The following ELAC1 variants were observed in gnomAD, a reference collection of about 807,000 sequenced individuals.
ELAC1 encodes the protein elaC ribonuclease Z 1.
ELAC1 carries 19 observed loss-of-function variants against 25.8 expected under a neutral mutation model. That is an observed-to-expected ratio of 0.74 (90% CI 0.51 to 1.08). ELAC1 has a LOEUF of 1.08. ELAC1 is among the 50% of genes least tolerant of loss of function. The pLI, the probability that ELAC1 is intolerant of heterozygous loss-of-function variation, is 0.00. For missense variants in ELAC1, 403 were observed against 434.6 expected (o/e 0.93, Z 0.65); for synonymous variants, 148 against 160.9 (o/e 0.92, Z 0.61).
chr18:50,982,162 T>C (rs749349341), intron 2 of ELAC1, among the ~76,000 whole-genome samples: 13 of 152,144 alleles, frequency 8.5e-5, no homozygotes, highest in Non-Finnish European at 7.4e-5. Flanking sequence ...CTGTAGTTTT[T>C]TTGTCTGCAG....
At chr18:50,968,569 G>T (rs1434791719) in intron 1 of ELAC1, 3 of 152,294 alleles carry the variant, frequency 2.0e-5, no homozygotes, top group African/African-American at 7.2e-5. Context: ...GCCTCCAAAT[G>T]CTGATGCCCC....
chr18:50,981,734 G>A (rs1907953920), intron 2 of ELAC1, among the ~76,000 whole-genome samples: 1 of 151,936 alleles, frequency 6.6e-6, no homozygotes, highest in Non-Finnish European at 1.5e-5. Flanking sequence ...AGGTTGTTTT[G>A]GTGTTCAGTT....
chr18:50,983,098 CCTAT>C (rs1242932890), intron 2 of ELAC1, among the ~76,000 whole-genome samples: 2 of 149,148 alleles, frequency 1.3e-5, no homozygotes, highest in African/African-American at 5.0e-5. Context: ...ATACTTGAGG[CCTAT>C]CTATTTAATA....
chr18:50,969,111 A>G (rs4939648), intron 1 of ELAC1: 51,441 of 152,056 alleles, frequency 0.34, 9,112 homozygotes, highest in East Asian at 0.42. Flanking sequence ...TTTACCCTCT[A>G]CTATCCAGTC....
At chr18:50,983,743 A>G (rs1041114360) in intron 2 of ELAC1, among the ~76,000 whole-genome samples, 1 of 151,130 alleles carries the variant, frequency 6.6e-6, no homozygotes, top group Non-Finnish European at 1.5e-5. Flanking sequence ...AGTCCTAGCT[A>G]CTTGGGAGGC....
intron 1 of ELAC1, among the ~76,000 whole-genome samples, chr18:50,973,547 A>G (rs1335437572): frequency 1.3e-5 from 2 of 152,240 alleles, no homozygotes; most frequent in Non-Finnish European, 2.9e-5. Context: ...CAGCATGACT[A>G]TAGAGCATAA....
chr18:50,969,492 A>T (rs748051433), intron 1 of ELAC1: 1 of 152,222 alleles, frequency 6.6e-6, no homozygotes, highest in Non-Finnish European at 1.5e-5. Context: ...CCTTTTATGT[A>T]CAAGTAGCAC....
Position 50,987,061 on chromosome 18 carries a change from G to GTT in ELAC1, c.1068_1069insTT (p.Ile357LeufsTer2), listed in dbSNP as rs1224771780. 1 of 1,551,128 alleles carries GTT rather than the reference G, an allele frequency of 6.4e-7. No homozygotes were observed. Among genetic ancestry groups the GTT allele is most frequent in the Non-Finnish European group, 8.7e-7 (1 of 1,148,818 alleles). On this transcript the variant is annotated frameshift_variant, in exon 4 of 4. Coordinates refer to ENST00000269466, the MANE Select transcript of ELAC1 (RefSeq NM_018696.3). LOFTEE classifies it high-confidence loss of function. ...TGACTCTAGCAGAAGATTTTATGGT[G>GTT]ATAAGCATTCCAATCAAGAAATGAA...
chr18:50,980,763 GA>G (rs761954317), intron 2 of ELAC1, among the ~76,000 whole-genome samples: 352 of 67,868 alleles, frequency 5.2e-3, no homozygotes, highest in Middle Eastern at 0.012. Flanking sequence ...ACTCCATCTC[GA>G]AAAAAAAAAA....
At chr18:50,986,296 G>A (rs1006628624) in intron 3 of ELAC1, among the ~76,000 whole-genome samples, 2 of 152,082 alleles carry the variant, frequency 1.3e-5, no homozygotes, top group African/African-American at 4.8e-5. Context: ...ATTAAATAAA[G>A]CACTCTCAAA....
rs766744036 is a variant in ELAC1 at position 50,984,553 on chromosome 18, T to TA, written c.618dup (p.Asp207ArgfsTer47). The TA allele has an allele frequency of 6.2e-7, 1 of 1,610,754 alleles. No individual in the cohort carries two copies. Among genetic ancestry groups the TA allele is most frequent in the East Asian group, 2.2e-5 (1 of 44,850 alleles). On this transcript the variant is annotated frameshift_variant, in exon 3 of 4. Coordinates refer to ENST00000269466, the MANE Select transcript of ELAC1 (RefSeq NM_018696.3). LOFTEE classifies it high-confidence loss of function. ...CAGGTAAACTCAATGCACAGAAACT[T>TA]AAAGACCTTGGTAAGTGTTTTTTTG...
chr18:50,976,594 GA>G (rs759692082), intron 2 of ELAC1, among the ~76,000 whole-genome samples: 28 of 152,174 alleles, frequency 1.8e-4, no homozygotes, highest in Non-Finnish European at 3.7e-4. Context: ...GACATGTGGG[GA>G]TAATGGGAGC....
At position 50,971,912 on chromosome 18, in the gene ELAC1, G is replaced by GTATATA. The variant is rs66495742; in HGVS notation, c.-8-2459_-8-2454dup. On this transcript the variant is annotated intron_variant, in intron 1 of 3. Transcript: ENST00000269466. ...TATGTATATATGTGTGTGTGTGTGT[G>GTATATA]TATATATATATATATATATATATAT... Among the ~76,000 whole-genome samples, 315 of 76,496 alleles carry GTATATA rather than the reference G, an allele frequency of 4.1e-3. 4 individuals are homozygous for GTATATA. Among genetic ancestry groups the GTATATA allele is most frequent in the Admixed American group, 0.013 (94 of 7,362 alleles). The allele number at this position is 76,496 out of a possible 152,430, so 50.2% of individuals were successfully genotyped here. A position where few individuals can be genotyped will look rare whatever the true frequency, so the allele number is the denominator to read the frequency against.
chr18:50,978,736 G>C (rs1158614173), intron 2 of ELAC1, among the ~76,000 whole-genome samples: 2 of 152,180 alleles, frequency 1.3e-5, no homozygotes, highest in Admixed American at 6.5e-5. Flanking sequence ...GATACTTGTA[G>C]AAATAAGAGG....
chr18:50,970,913 T>G (rs1349387310), intron 1 of ELAC1, among the ~76,000 whole-genome samples: 1 of 152,092 alleles, frequency 6.6e-6, no homozygotes, highest in Non-Finnish European at 1.5e-5. Context: ...ATGTAGGGGT[T>G]TGGGGTATTG....
At chr18:50,986,510 C>A in intron 3 of ELAC1, 109 bp from the exon 4 acceptor site, 5 of 842,776 alleles carry the variant, frequency 5.9e-6, no homozygotes, top group South Asian at 3.8e-5. Flanking sequence ...ACATTTATAA[C>A]AATTATGGAT....
In ELAC1 at chr18:50,983,160, T is replaced by TTTG. The variant is rs1369407611; in HGVS notation, c.158-934_158-933insGTT. On this transcript the variant is annotated intron_variant, in intron 2 of 3. Transcript: ENST00000269466. Reference sequence around the variant, plus strand: ...ACTTGTATATTTTACTTGGTGTTTTTTTTTTTTTTTTTTTTTTTTTTGAGA... The same window carrying TTTG: ...ACTTGTATATTTTACTTGGTGTTTTTTTGTTTTTTTTTTTTTTTTTTTTTGAGA... Among the ~76,000 whole-genome samples, 695 of 126,992 alleles carry TTTG rather than the reference T, an allele frequency of 5.5e-3. 13 individuals are homozygous for TTTG. Among genetic ancestry groups the TTTG allele is most frequent in the Admixed American group, 0.011 (147 of 12,920 alleles). The allele number at this position is 126,992 out of a possible 152,430, so 83.3% of individuals were successfully genotyped here. A position where few individuals can be genotyped will look rare whatever the true frequency, so the allele number is the denominator to read the frequency against.
chr18:50,971,116 T>C (rs1907639726), intron 1 of ELAC1, among the ~76,000 whole-genome samples: 2 of 152,254 alleles, frequency 1.3e-5, no homozygotes, highest in African/African-American at 4.8e-5. Context: ...TTTAGCCATC[T>C]TGAGAGCAAC....
At chr18:50,974,625 T>C in intron 2 of ELAC1, 64 bp downstream of exon 2, 1 of 1,505,394 alleles carries the variant, frequency 6.6e-7, no homozygotes, top group South Asian at 1.1e-5. Context: ...TTCTTGGCTC[T>C]CCTTGGACAT....
Sources: gnomAD v4.1 joint callset for allele counts (sites outside exome capture counted in the v4.1 genomes callset) on GRCh38, gnomAD v4.1.1 for gene constraint, MANE v1.5 for transcripts, NCBI Gene and HGNC (gene_info 2026-07-23, HGNC 2026-07-21) for gene names.